SPAG17: variants seen among roughly 807,000 people sequenced by gnomAD.
SPAG17 encodes the protein sperm associated antigen 17, also known as sperm-associated antigen 17.
Under a neutral mutation model 273.6 loss-of-function variants are expected in SPAG17, and 169 were observed. The observed-to-expected ratio is 0.62, with a 90% CI of 0.55 to 0.70. The LOEUF is 0.70. SPAG17 is among the 30% of genes least tolerant of loss of function. SPAG17 has a pLI of 0.00. For missense variants in SPAG17, 2,557 were observed against 2,627.8 expected (o/e 0.97, Z 0.59); for synonymous variants, 825 against 873.2 (o/e 0.94, Z 0.97).
intron 31 of SPAG17, among the ~76,000 whole-genome samples, chr1:118,006,822 A>T (rs1373805286): frequency 6.6e-6 from 1 of 152,208 alleles, no homozygotes; most frequent in Non-Finnish European, 1.5e-5. Context: ...GTGTGAAGTG[A>T]TATCTCATTG....
intron 43 of SPAG17, among the ~76,000 whole-genome samples, chr1:117,976,606 G>C (rs1030907177): frequency 7.2e-5 from 11 of 152,174 alleles, no homozygotes; most frequent in African/African-American, 2.7e-4. Context: ...TGTGAGGATG[G>C]CTTGCCTGAC....
At chr1:118,144,919 A>C (rs898777349) in intron 3 of SPAG17, among the ~76,000 whole-genome samples, 4 of 152,172 alleles carry the variant, frequency 2.6e-5, no homozygotes, top group Admixed American at 6.5e-5. Context: ...TACTTTTCCT[A>C]CAAGTGAAGT....
In SPAG17 at chr1:118,039,284, C is replaced by T. The variant is rs1649449010; in HGVS notation, c.3319+8G>A. Reference sequence around the variant, plus strand: ...TCAGAAGAAAGAAACCACTAAACAGCAGCTTACCCGTTTCAAGACTTTGTT... The same window carrying T: ...TCAGAAGAAAGAAACCACTAAACAGTAGCTTACCCGTTTCAAGACTTTGTT... On this transcript the variant is annotated splice_region_variant and intron_variant, in intron 23 of 48. Coordinates refer to ENST00000336338, the MANE Select transcript of SPAG17 (RefSeq NM_206996.4). 6.2e-7 allele frequency: 1 copy of T among 1,611,286 alleles called. No individual in the cohort carries two copies. Among genetic ancestry groups the T allele is most frequent in the Non-Finnish European group, 8.5e-7 (1 of 1,178,734 alleles).
chr1:118,140,605 T>A (rs1658622181), intron 3 of SPAG17, among the ~76,000 whole-genome samples: 1 of 152,130 alleles, frequency 6.6e-6, no homozygotes, highest in South Asian at 2.1e-4. Context: ...ACCCCTCACA[T>A]CTCACAAGGG....
At chr1:118,097,240 A>AGG (rs1200605256) in intron 7 of SPAG17, among the ~76,000 whole-genome samples, 2 of 142,102 alleles carry the variant, frequency 1.4e-5, no homozygotes, top group South Asian at 2.3e-4. Context: ...AAAAAAAAAA[A>AGG]GGGGGGAATA....
At chr1:118,167,860 C>T (rs1436123778) in intron 1 of SPAG17, among the ~76,000 whole-genome samples, 1 of 152,074 alleles carries the variant, frequency 6.6e-6, no homozygotes, top group Admixed American at 6.6e-5. Flanking sequence ...TAGAACCATC[C>T]TCTGGGTACT....
intron 43 of SPAG17, 33 bp downstream of exon 43, chr1:117,981,237 C>G (rs1313801245): frequency 1.3e-6 from 2 of 1,537,424 alleles, no homozygotes; most frequent in Non-Finnish European, 1.7e-6. Flanking sequence ...TGTTCAGTTT[C>G]AAGAAGCAAT....
chr1:118,062,384 A>AAAAAAAAAAAT (rs1553242204), intron 18 of SPAG17, among the ~76,000 whole-genome samples: 4 of 149,198 alleles, frequency 2.7e-5, no homozygotes, highest in African/African-American at 9.9e-5. Context: ...AAAAAAAAAA[A>AAAAAAAAAAAT]AAATTAAAGA....
intron 3 of SPAG17, among the ~76,000 whole-genome samples, chr1:118,118,943 A>C (rs1191716400): frequency 6.6e-6 from 1 of 152,168 alleles, no homozygotes; most frequent in African/African-American, 2.4e-5. Flanking sequence ...ATACCAAATG[A>C]GCCAAATTAT....
intron 18 of SPAG17, among the ~76,000 whole-genome samples, chr1:118,059,948 C>G (rs1364352652): frequency 6.6e-6 from 1 of 151,996 alleles, no homozygotes; most frequent in Non-Finnish European, 1.5e-5. Context: ...AAACTATTGC[C>G]ATTTATTTCA....
chr1:118,106,375 G>A (rs561399798), intron 4 of SPAG17, among the ~76,000 whole-genome samples: 1 of 152,262 alleles, frequency 6.6e-6, no homozygotes, highest in Non-Finnish European at 1.5e-5. Flanking sequence ...AGGGCAAGTA[G>A]TTGTTCAAAC....
chr1:117,987,814 G>A lies in SPAG17; in HGVS notation c.5669+20C>T, dbSNP rs1232407236. On this transcript the variant is annotated intron_variant, in intron 40 of 48. Coordinates refer to ENST00000336338, the MANE Select transcript of SPAG17 (RefSeq NM_206996.4). The stretch of plus-strand genomic sequence containing the variant: ...TCTGGGCCCTTTCAGGTCCTTATGT[G>A]CGTTTTGGGGTATAATTACCTCGTT... 2 of 1,612,118 alleles carry A rather than the reference G, an allele frequency of 1.2e-6. No individual in the cohort carries two copies. The highest frequency in any genetic ancestry group is 3.3e-5 in the Admixed American group (2 of 59,914).
In SPAG17 at chr1:118,081,194, C is replaced by T. The variant is rs1418123287; in HGVS notation, c.2116G>A (p.Asp706Asn). The T allele has an allele frequency of 6.2e-7, 1 of 1,613,960 alleles. No individual in the cohort carries two copies. ...QCDANNMKHS[D>N]LNNLKLSVPD... ...ACTGAGAGTTTGAGATTATTCAAGT[C>T]AGAATGCTTCATATTGTTAGCATCA... Residue 706 changes from aspartate (D) to asparagine (N), a missense_variant, in exon 15 of 49, where the codon GAC (aspartate) becomes AAC (asparagine). Physicochemically the swap from Asp to Asn is conservative, Grantham distance 23. Coordinates refer to ENST00000336338, the MANE Select transcript of SPAG17 (RefSeq NM_206996.4).
intron 28 of SPAG17, among the ~76,000 whole-genome samples, chr1:118,019,033 C>CAA (rs10629525): frequency 0.33 from 31,772 of 95,638 alleles, 5,649 homozygotes; most frequent in Non-Finnish European, 0.43. Context: ...GACCATGTCT[C>CAA]AAAAAAAAAA....
rs538218666 is a variant in SPAG17, at chr1:117,991,443, T to C, written c.5447A>G (p.Asn1816Ser). ...AACCAGCTTGAGGAGATCAGCAGCA[T>C]TGCCTCTCTCCTCCTCAGTTCTGGA... ...KDSRTEEERGNAADLLKLVMS... is the reference protein window; with the variant it reads ...KDSRTEEERGSAADLLKLVMS... Residue 1816 changes from asparagine (N) to serine (S), a missense_variant, in exon 37 of 49, where the codon AAT (asparagine) becomes AGT (serine). By Grantham distance (46) the Asn-to-Ser change is conservative. Transcript: ENST00000336338. 1.4e-5 allele frequency: 23 copies of C among 1,610,580 alleles called. No homozygotes were observed. The highest frequency in any genetic ancestry group is 1.8e-5 in the Non-Finnish European group (21 of 1,177,864).
At chr1:118,069,113 A>G (rs1653294804) in intron 17 of SPAG17, among the ~76,000 whole-genome samples, 1 of 152,112 alleles carries the variant, frequency 6.6e-6, no homozygotes, top group Admixed American at 6.6e-5. Context: ...TGAGAGTCCA[A>G]GGTGGGTGGA....
At chr1:118,042,178 C>G (rs1485007325) in intron 20 of SPAG17, 136 bp from the exon 21 acceptor site, 2 of 1,033,102 alleles carry the variant, frequency 1.9e-6, no homozygotes, top group African/African-American at 1.6e-5. Flanking sequence ...GAACTAGAAG[C>G]CTTGACGTCA....
chr1:117,978,927 G>A (rs2101572350), intron 43 of SPAG17, among the ~76,000 whole-genome samples: 1 of 151,328 alleles, frequency 6.6e-6, no homozygotes, highest in South Asian at 2.1e-4. Context: ...GAGTGCAATG[G>A]CGTGATCTCA....
At position 118,052,426 on chromosome 1, in the gene SPAG17, G is replaced by A. The variant is rs1438117000; in HGVS notation, c.2814+1576C>T. On this transcript the variant is annotated intron_variant, in intron 20 of 48. Coordinates refer to ENST00000336338, the MANE Select transcript of SPAG17 (RefSeq NM_206996.4). The stretch of plus-strand genomic sequence containing the variant: ...AGGGGATCGGGAAGATGTTGGTCAA[G>A]GGATGTGAAATTTCAATTAGACAGG... Among the ~76,000 whole-genome samples the A allele has an allele frequency of 3.3e-5, 5 of 151,584 alleles. No homozygotes were observed. The East Asian group carries it at 5.8e-4, about 18-fold the overall frequency.
Sources: allele counts gnomAD v4.1 joint callset (sites outside exome capture counted in the v4.1 genomes callset), GRCh38; gene constraint gnomAD v4.1.1; transcripts MANE v1.5; gene names NCBI Gene and HGNC (gene_info 2026-07-23, HGNC 2026-07-21).